CXADR: variants seen among roughly 807,000 people sequenced by gnomAD.
CXADR encodes the protein CXADR cell adhesion molecule, also known as coxsackievirus and adenovirus receptor.
CXADR carries 20 observed loss-of-function variants against 40.3 expected under a neutral mutation model. That is an observed-to-expected ratio of 0.50 (90% CI 0.35 to 0.72). CXADR has a LOEUF of 0.72. Among genes scored for constraint, CXADR ranks in the 30% least tolerant of loss-of-function variants. CXADR has a pLI of 0.01. For synonymous variants in CXADR, 150 were observed against 161.3 expected (o/e 0.93, Z 0.53); for missense variants, 332 against 449.1 (o/e 0.74, Z 2.36).
At chr21:17,597,105 G>A (rs1270597644), downstream of CXADR, among the ~76,000 whole-genome samples, 3 of 151,964 alleles carry the variant, frequency 2.0e-5, no homozygotes, top group Non-Finnish European at 4.4e-5. Context: ...AAGGAGAAAT[G>A]TTTTCCTTAA....
At position 17,565,638 on chromosome 21, in the gene CXADR, G is replaced by C. The variant is rs769003669; in HGVS notation, c.1044G>C (p.Met348Ile). 6.2e-7 allele frequency: 1 copy of C among 1,612,104 alleles called. No homozygotes were observed. The highest frequency in any genetic ancestry group is 1.1e-5 in the South Asian group (1 of 90,990). The stretch of plus-strand genomic sequence containing the variant: ...TAGCTGCCCCTAATCTAAGTCGAAT[G>C]GGTGCGATTCCTGTGATGATTCCAG... ...AKVAAPNLSR[M>I]GAIPVMIPAQ... The change falls in exon 7 of 7, where the codon ATG becomes ATC. Residue 348 changes from methionine (M) to isoleucine (I), a missense_variant. Coordinates refer to ENST00000284878, the MANE Select transcript of CXADR (RefSeq NM_001338.5).
At chr21:17,551,264 G>A (rs2060963686) in intron 2 of CXADR, among the ~76,000 whole-genome samples, 1 of 152,140 alleles carries the variant, frequency 6.6e-6, no homozygotes. Flanking sequence ...GCTGGCTGTG[G>A]TGGCACGTGC....
chr21:17,589,082 C>A (rs1354691460), intron 7 of CXADR, among the ~76,000 whole-genome samples: 3 of 151,894 alleles, frequency 2.0e-5, no homozygotes, highest in Non-Finnish European at 2.9e-5. Flanking sequence ...CTCCCTAATA[C>A]TTTTTCTTAA....
chr21:17,568,289 C>A lies in CXADR; in HGVS notation c.*2597C>A. Reference sequence around the variant, plus strand: ...GACTACAGGCTCCCATCACCACGCTCGGCTAAGTTTTTGTAATTTTAGTAG... The same window carrying A: ...GACTACAGGCTCCCATCACCACGCTAGGCTAAGTTTTTGTAATTTTAGTAG... On this transcript the variant is annotated 3_prime_UTR_variant, in exon 7 of 7. Coordinates refer to ENST00000284878, the MANE Select transcript of CXADR (RefSeq NM_001338.5). The A allele has an allele frequency of 1.3e-6, 1 of 793,092 alleles. No homozygotes were observed. Among genetic ancestry groups the A allele is most frequent in the African/African-American group, 1.9e-5 (1 of 52,948 alleles). The allele number at this position is 793,092 out of a possible 1,614,324, so 49.1% of individuals were successfully genotyped here.
chr21:17,571,082 C>T (rs2061273951), downstream of CXADR, among the ~76,000 whole-genome samples: 1 of 152,152 alleles, frequency 6.6e-6, no homozygotes, highest in Admixed American at 6.5e-5. Context: ...AAATATCTCC[C>T]CTGGGGTCGG....
intron 1 of CXADR, chr21:17,518,947 C>G: frequency 6.2e-7 from 1 of 1,608,680 alleles, no homozygotes; most frequent in Admixed American, 1.7e-5. Flanking sequence ...ACCCTTGCCC[C>G]CTATCCGGAC....
the CXADR span, among the ~76,000 whole-genome samples, chr21:17,617,052 A>G: frequency 3.3e-5 from 5 of 152,228 alleles, no homozygotes; most frequent in African/African-American, 7.2e-5. Context: ...TTTGAGTTGC[A>G]TTAACTGTGG....
chr21:17,515,655 C>G (rs1180912228), intron 1 of CXADR, among the ~76,000 whole-genome samples: 1 of 151,896 alleles, frequency 6.6e-6, no homozygotes, highest in Non-Finnish European at 1.5e-5. Context: ...ACTAAAAATA[C>G]AAAAAAATTA....
At chr21:17,604,807 T>C in the CXADR span, 2 of 1,577,662 alleles carry the variant, frequency 1.3e-6, no homozygotes, top group South Asian at 2.3e-5. Context: ...CAGAATGTCA[T>C]AAAATTAGTT....
chr21:17,563,940 C>CCAAAAAAAAAAAAAAAAAAAA (rs2061161835), intron 6 of CXADR, among the ~76,000 whole-genome samples: 1 of 37,222 alleles, frequency 2.7e-5, no homozygotes. Context: ...GACTCTGTCT[C>CCAAAAAAAAAAAAAAAAAAAA]AAAAAAAAAA....
In CXADR at chr21:17,533,840, T is replaced by C. The variant is rs1018985862; in HGVS notation, c.44-13187T>C. ...AAAGAAGAGCAAGTGTGTATACTTA[T>C]GCCATTTCTCATTGTTACTAATTTA... is the stretch of plus-strand genomic sequence containing the variant. On this transcript the variant is annotated intron_variant, in intron 1 of 6. Transcript: ENST00000284878. Among the ~76,000 whole-genome samples, 5 of 151,814 alleles carry C rather than the reference T, an allele frequency of 3.3e-5. No homozygotes were observed. The East Asian group carries it at 5.8e-4, about 18-fold the overall frequency.
At chr21:17,563,289 A>AT (rs1398780886) in intron 6 of CXADR, among the ~76,000 whole-genome samples, 1 of 151,870 alleles carries the variant, frequency 6.6e-6, no homozygotes, top group African/African-American at 2.4e-5. Context: ...TAAATAAGAT[A>AT]TTTTTTTAAA....
chr21:17,534,810 G>A (rs1183355503), intron 1 of CXADR, among the ~76,000 whole-genome samples: 4 of 86,900 alleles, frequency 4.6e-5, no homozygotes, highest in African/African-American at 2.1e-4. Flanking sequence ...TTTTGAGAAG[G>A]ACTCTTGCTC....
chr21:17,533,638 T>C (rs1229382673), intron 1 of CXADR, among the ~76,000 whole-genome samples: 2 of 152,178 alleles, frequency 1.3e-5, no homozygotes, highest in African/African-American at 2.4e-5. Flanking sequence ...AAAGAGTTAA[T>C]ACGTGTAGGG....
At chr21:17,561,584 G>A in intron 6 of CXADR, 108 bp downstream of exon 6, 2 of 958,654 alleles carry the variant, frequency 2.1e-6, no homozygotes, top group Admixed American at 3.2e-5. Flanking sequence ...AGGAGAATGG[G>A]TAAAAGCTCT....
chr21:17,596,516 G>A (rs924586663), downstream of CXADR, among the ~76,000 whole-genome samples: 1 of 151,968 alleles, frequency 6.6e-6, no homozygotes, highest in African/African-American at 2.4e-5. Flanking sequence ...AGATCATCCA[G>A]TTGTTTCAGC....
intron 7 of CXADR, among the ~76,000 whole-genome samples, chr21:17,592,816 C>G (rs1233267582): frequency 2.0e-5 from 3 of 151,780 alleles, no homozygotes; most frequent in African/African-American, 7.3e-5. Flanking sequence ...AATATTAAAG[C>G]TAGAAAAGTC....
intron 1 of CXADR, among the ~76,000 whole-genome samples, chr21:17,539,271 G>T (rs1424873745): frequency 7.2e-5 from 11 of 152,160 alleles, no homozygotes; most frequent in African/African-American, 2.7e-4. Context: ...AAGTATGTGG[G>T]TTGAATTATA....
intron 1 of CXADR, among the ~76,000 whole-genome samples, chr21:17,525,909 A>T (rs2123140700): frequency 6.6e-6 from 1 of 152,374 alleles, no homozygotes; most frequent in East Asian, 1.9e-4. Context: ...CACATATGTA[A>T]TTTAAAATTT....
Sources: allele counts gnomAD v4.1 joint callset (sites outside exome capture counted in the v4.1 genomes callset), GRCh38; gene constraint gnomAD v4.1.1; transcripts MANE v1.5; gene names NCBI Gene and HGNC (gene_info 2026-07-23, HGNC 2026-07-21).